Variants in AOPEP observed in about 807,000 individuals in gnomAD.
AOPEP encodes the protein aminopeptidase O (putative), also known as aminopeptidase O.
In AOPEP, 77 loss-of-function variants were observed where a neutral mutation model predicts 98.1. The ratio of observed to expected loss-of-function variants is 0.78; its 90% CI spans 0.65 to 0.95. The LOEUF (loss-of-function observed/expected upper bound fraction) is 0.95, where lower values mean the gene tolerates loss of function less well. Among genes scored for constraint, AOPEP ranks in the 40% least tolerant of loss-of-function variants. AOPEP has a pLI of 0.00. For missense variants in AOPEP, 1,024 were observed against 1,024.7 expected, an observed-to-expected ratio of 1.00 and a Z score of 0.01; for synonymous variants, 346 against 365.3, an observed-to-expected ratio of 0.95 and a Z score of 0.60.
chr9:94,742,090 T>C (rs1833271836), intron 1 of AOPEP, among the ~76,000 whole-genome samples: 1 of 152,176 alleles, frequency 6.6e-6, no homozygotes, highest in African/African-American at 2.4e-5. Flanking sequence ...GGGAGTCTTA[T>C]TTAGAAGGTG....
chr9:94,803,803 T>G (rs1194718392), intron 5 of AOPEP, among the ~76,000 whole-genome samples: 2 of 152,204 alleles, frequency 1.3e-5, no homozygotes, highest in Non-Finnish European at 2.9e-5. Flanking sequence ...GGGACTTTAA[T>G]TCTTTGCTGA....
chr9:95,083,182 T>G (rs1039114906), intron 16 of AOPEP: 1 of 182,512 alleles, frequency 5.5e-6, no homozygotes, highest in Non-Finnish European at 1.1e-5. Flanking sequence ...TCTAGCCATG[T>G]GTGAATTGGA....
At position 94,930,618 on chromosome 9, in the gene AOPEP, A is replaced by G. The variant is rs2055132458; in HGVS notation, c.1661+2087A>G. Among the ~76,000 whole-genome samples, 1 of 152,064 alleles carries G rather than the reference A, an allele frequency of 6.6e-6. No individual in the cohort carries two copies. The highest frequency in any genetic ancestry group is 2.4e-5 in the African/African-American group (1 of 41,404). On this transcript the variant is annotated intron_variant, in intron 7 of 16. Coordinates refer to ENST00000375315, the MANE Select transcript of AOPEP (RefSeq NM_001193329.3). The surrounding 1 kb of genome is among the most constrained non-coding windows in gnomAD (Gnocchi z 4.5). ...GGGAAACCATTATGTGTTTCCCCAG[A>G]GAAAACCAGGGCACTAGGGGCCATG...
At chr9:94,975,076 C>CA (rs991106386) in intron 10 of AOPEP, among the ~76,000 whole-genome samples, 1 of 151,970 alleles carries the variant, frequency 6.6e-6, no homozygotes, top group African/African-American at 2.4e-5. Flanking sequence ...TAAAAAATTT[C>CA]AAAAATTAGT....
chr9:94,838,347 C>T (rs1464796119), intron 5 of AOPEP, among the ~76,000 whole-genome samples: 1 of 152,212 alleles, frequency 6.6e-6, no homozygotes, highest in Non-Finnish European at 1.5e-5. Flanking sequence ...TGTTGAAACA[C>T]TACTCTTTCT....
intron 13 of AOPEP, among the ~76,000 whole-genome samples, chr9:95,045,469 C>CT (rs1385021808): frequency 2.0e-5 from 3 of 152,250 alleles, no homozygotes; most frequent in African/African-American, 4.8e-5. Flanking sequence ...TGGAGCCAGG[C>CT]TTTTGGACAC....
chr9:95,111,128 CCG>C, the AOPEP span: 1 of 1,533,228 alleles, frequency 6.5e-7, no homozygotes, highest in African/African-American at 1.4e-5. Flanking sequence ...TCAGAACAGC[CCG>C]CCTCTGCAGG....
At chr9:94,970,739 C>G (rs180952468) in intron 10 of AOPEP, among the ~76,000 whole-genome samples, 3 of 150,462 alleles carry the variant, frequency 2.0e-5, no homozygotes, top group African/African-American at 7.3e-5. Context: ...TTTCTTCATG[C>G]AAAAATCCCA....
rs1837926406 is a variant in AOPEP at position 94,760,149 on chromosome 9, T to C, written c.366T>C (p.Ala122=). 1.9e-6 allele frequency: 3 copies of C among 1,614,188 alleles called. No homozygotes were observed. Among genetic ancestry groups the C allele is most frequent in the African/African-American group, 2.7e-5 (2 of 75,034 alleles). The change falls in exon 2 of 17, where the codon GCT becomes GCC. Residue 122 remains alanine, a synonymous_variant. Transcript: ENST00000375315. ...KDGNHDNQEH[A]SGISSSKYCC... is the part of the protein sequence containing the mutation. The stretch of plus-strand genomic sequence containing the variant: ...GTAACCATGACAACCAGGAACATGC[T>C]TCTGGGATTTCTAGCTCAAAGTACT...
intron 14 of AOPEP, among the ~76,000 whole-genome samples, chr9:95,073,136 C>T (rs1476963203): frequency 6.6e-6 from 1 of 152,246 alleles, no homozygotes; most frequent in East Asian, 1.9e-4. Context: ...TGGGACTCCC[C>T]TGCTCCCTCT....
chr9:94,796,134 A>G (rs1335127500), intron 4 of AOPEP, among the ~76,000 whole-genome samples: 2 of 152,200 alleles, frequency 1.3e-5, no homozygotes, highest in South Asian at 4.1e-4. Flanking sequence ...GGAATGGCCC[A>G]GCCAGTCAGG....
intron 4 of AOPEP, among the ~76,000 whole-genome samples, chr9:94,793,650 C>G (rs1464242368): frequency 1.3e-5 from 2 of 150,822 alleles, no homozygotes; most frequent in Non-Finnish European, 2.9e-5. Context: ...GCACTCCAGC[C>G]TGGCGACAGA....
intron 11 of AOPEP, among the ~76,000 whole-genome samples, chr9:94,981,905 A>C (rs1033907833): frequency 6.6e-6 from 1 of 152,194 alleles, no homozygotes; most frequent in African/African-American, 2.4e-5. Flanking sequence ...TCTCTCAGGA[A>C]GACTTGCCTT....
chr9:95,112,965 G>A, the AOPEP span, among the ~76,000 whole-genome samples: 1 of 152,208 alleles, frequency 6.6e-6, no homozygotes, highest in Non-Finnish European at 1.5e-5. Context: ...AGAGAGAAGA[G>A]AAAAACACCC....
At chr9:95,086,393 T>C in intron 16 of AOPEP, 1 of 985,412 alleles carries the variant, frequency 1.0e-6, no homozygotes, top group Middle Eastern at 5.2e-4. Context: ...AGCTGAGACT[T>C]TCTGAGAACA....
chr9:95,149,231 T>A, the AOPEP span, among the ~76,000 whole-genome samples: 2 of 152,144 alleles, frequency 1.3e-5, no homozygotes, highest in Admixed American at 6.5e-5. Context: ...AACAGATTTT[T>A]AAAACTCTTG....
chr9:94,774,421 C>T (rs1251354891), intron 3 of AOPEP, among the ~76,000 whole-genome samples: 6 of 151,288 alleles, frequency 4.0e-5, no homozygotes, highest in Non-Finnish European at 7.4e-5. Flanking sequence ...AGAAAATTAT[C>T]GCTAAGATTT....
At chr9:94,776,595 C>A (rs1842155144) in intron 3 of AOPEP, among the ~76,000 whole-genome samples, 1 of 152,204 alleles carries the variant, frequency 6.6e-6, no homozygotes, top group Non-Finnish European at 1.5e-5. Context: ...AGCCACTGCG[C>A]CCGACCTTTC....
chr9:94,914,558 G>GTGTGTGTA (rs1241621855), intron 5 of AOPEP, among the ~76,000 whole-genome samples: 2 of 151,818 alleles, frequency 1.3e-5, no homozygotes, highest in African/African-American at 4.8e-5. Context: ...GTGTGTGTGT[G>GTGTGTGTA]TGTATGTACA....
Sources: allele counts gnomAD v4.1 joint callset (sites outside exome capture counted in the v4.1 genomes callset), GRCh38; gene constraint gnomAD v4.1.1; non-coding constraint Gnocchi (gnomAD v3.1); transcripts MANE v1.5; gene names NCBI Gene and HGNC (gene_info 2026-07-23, HGNC 2026-07-21).